The following TTF2 variants were observed in gnomAD, a reference collection of about 807,000 sequenced individuals.
The protein encoded by TTF2 is RNA polymerase II termination factor.
In TTF2, 108 loss-of-function variants were observed where a neutral mutation model predicts 142.4. The ratio of observed to expected loss-of-function variants is 0.76; its 90% confidence interval spans 0.65 to 0.89. TTF2 has a LOEUF of 0.89. Ranked by LOEUF, TTF2 falls within the 40% of genes least tolerant of loss-of-function variation. TTF2 has a pLI of 0.00. For missense variants in TTF2, 1,327 were observed against 1,379.8 expected, an observed-to-expected ratio of 0.96 and a Z score of 0.61; for synonymous variants, 483 against 506.2, an observed-to-expected ratio of 0.95 and a Z score of 0.61.
In TTF2 at chr1:117,090,047, C is replaced by CAAA. The variant is rs780181384; in HGVS notation, c.2343-4_2343-2dup. 2 of 1,611,476 alleles carry CAAA rather than the reference C, an allele frequency of 1.2e-6. No homozygotes were observed. Among genetic ancestry groups the CAAA allele is most frequent in the African/African-American group, 2.7e-5 (2 of 74,938 alleles). On this transcript the variant is annotated splice_region_variant and splice_polypyrimidine_tract_variant and intron_variant, in intron 13 of 22. Transcript: ENST00000369466. This position sits in a 1 kb window ranked among gnomAD's most constrained non-coding sequence, Gnocchi z 4.8. ...CCTACTCTGTGCCCTTCTTCCTCAA[C>CAAA]AAAAAAGGTTTCTCCGTTGCTCTCC...
At position 117,088,886 on chromosome 1, in the gene TTF2, C is replaced by T. The variant is rs1648282770; in HGVS notation, c.2246C>T (p.Thr749Ile). 1 of 1,614,096 alleles carries T rather than the reference C, an allele frequency of 6.2e-7. No individual in the cohort carries two copies. Residue 749 changes from threonine (T) to isoleucine (I), a missense_variant, in exon 13 of 23, where the codon ACT becomes ATT. By Grantham distance (89) the Thr-to-Ile change is moderately conservative. Transcript: ENST00000369466. ...AHNVKNPRVQ[T>I]SIAVCKLQAC... is the part of the protein sequence containing the mutation. ...AATGTTAAGAATCCCCGAGTGCAGA[C>T]TTCCATAGCTGTGTGTAAGCTACAA...
intron 10 of TTF2, among the ~76,000 whole-genome samples, chr1:117,083,045 A>G (rs1647669443): frequency 6.6e-6 from 1 of 152,022 alleles, no homozygotes; most frequent in Non-Finnish European, 1.5e-5. Flanking sequence ...GACCGAGACC[A>G]TCCTGACTAA....
chr1:117,096,972 G>A (rs1350853492), intron 20 of TTF2, among the ~76,000 whole-genome samples: 1 of 152,184 alleles, frequency 6.6e-6, no homozygotes, highest in Non-Finnish European at 1.5e-5. Context: ...GAAAGCATTA[G>A]TAGAATGATA....
At position 117,098,670 on chromosome 1, in the gene TTF2, TG is replaced by T. The variant is rs377390281; in HGVS notation, c.3270-162del. ...ATAGTTCTCTGTCACATGATGTGTG[TG>T]TTTTGTTTTGCTTTGCTTTCTTTTC... On this transcript the variant is annotated intron_variant, in intron 21 of 22. Coordinates refer to ENST00000369466, the MANE Select transcript of TTF2 (RefSeq NM_003594.4). 169 of 577,926 alleles carry T rather than the reference TG, an allele frequency of 2.9e-4. 1 individual carries two copies. In the South Asian group the frequency reaches 3.9e-3, roughly 13 times the overall value. 35.8% of individuals were successfully genotyped at this position (577,926 alleles called of 1,614,324 possible). A position where few individuals can be genotyped will look rare whatever the true frequency, so the allele number is the denominator to read the frequency against.
rs925550053 is a variant in TTF2 at position 117,062,374 on chromosome 1, TTC to T, written c.132-11_132-10del. The T allele has an allele frequency of 5.0e-6, 8 of 1,610,014 alleles. No individual in the cohort carries two copies. The highest frequency in any genetic ancestry group is 6.8e-6 in the Non-Finnish European group (8 of 1,178,770). On this transcript the variant is annotated splice_polypyrimidine_tract_variant and intron_variant, in intron 2 of 22. Transcript: ENST00000369466. ...TGACCTAAAAATGTTTTCAACTTTT[TTC>T]TTTTCTCTAGCATTCCTGTTTCCCA...
chr1:117,086,896 A>G lies in TTF2; in HGVS notation c.2160+374A>G, dbSNP rs1381517812. Among the ~76,000 whole-genome samples the G allele has an allele frequency of 1.3e-5, 2 of 152,114 alleles. No homozygotes were observed. Among genetic ancestry groups the G allele is most frequent in the East Asian group, 1.9e-4 (1 of 5,168 alleles). On this transcript the variant is annotated intron_variant, in intron 12 of 22. Transcript: ENST00000369466. This position sits in a 1 kb window ranked among gnomAD's most constrained non-coding sequence, Gnocchi z 4.2. Reference sequence around the variant, plus strand: ...TTATTGTGCAGACTAGTATTTTACTACTAGTATTTTGATTTTAAGCCATCT... The same window carrying G: ...TTATTGTGCAGACTAGTATTTTACTGCTAGTATTTTGATTTTAAGCCATCT...
chr1:117,082,970 T>C (rs541402975), intron 10 of TTF2, among the ~76,000 whole-genome samples: 233 of 152,264 alleles, frequency 1.5e-3, no homozygotes, highest in African/African-American at 5.4e-3. Flanking sequence ...GGGCCGGGCA[T>C]GGTGGCTCAC....
chr1:117,067,161 A>T (rs1224108345), intron 3 of TTF2, among the ~76,000 whole-genome samples: 2 of 152,254 alleles, frequency 1.3e-5, no homozygotes, highest in Non-Finnish European at 2.9e-5. Flanking sequence ...AATAGAACAA[A>T]AAAGTATGTT....
chr1:117,083,845 T>C (rs1647763638), intron 10 of TTF2, among the ~76,000 whole-genome samples, 173 bp from the exon 11 acceptor site: 1 of 152,170 alleles, frequency 6.6e-6, no homozygotes. Flanking sequence ...TCAAACACGA[T>C]GACTCACACC....
rs867060151 is a variant in TTF2, at chr1:117,079,613, T to G, written c.1747T>G (p.Trp583Gly). 6.2e-7 allele frequency: 1 copy of G among 1,614,092 alleles called. No homozygotes were observed. The highest frequency in any genetic ancestry group is 1.3e-5 in the African/African-American group (1 of 74,940). The change falls in exon 9 of 23, where the codon TGG becomes GGG. Residue 583 changes from tryptophan to glycine, a missense_variant. Coordinates refer to ENST00000369466, the MANE Select transcript of TTF2 (RefSeq NM_003594.4). This position sits in a 1 kb window ranked among gnomAD's most constrained non-coding sequence, Gnocchi z 4.2. ...GAAGCAGGCATTGGCTTGGTTACTA[T>G]GGCGAGAAAGTCAGAAGCCACAAGG... is the stretch of plus-strand genomic sequence containing the variant. ...HQKQALAWLL[W>G]RESQKPQGGI...
intron 2 of TTF2, 43 bp downstream of exon 2, chr1:117,060,600 C>A: frequency 6.5e-7 from 1 of 1,544,672 alleles, no homozygotes; most frequent in Non-Finnish European, 8.7e-7. Flanking sequence ...CTGCCCGGGG[C>A]CTCCCGAGAG....
At position 117,078,029 on chromosome 1, in the gene TTF2, C is replaced by T; in HGVS notation, c.1687C>T (p.Pro563Ser). Residue 563 changes from proline (P) to serine (S), a missense_variant, in exon 8 of 23, where the codon CCC becomes TCC. Physicochemically the swap from Pro to Ser is moderately conservative, Grantham distance 74 (BLOSUM62 -1). Coordinates refer to ENST00000369466, the MANE Select transcript of TTF2 (RefSeq NM_003594.4). ...TGGTGAGACGGTTGTGGCAGAAGATCCCGCCGGGCTGAAGGTGAGCCAGGG... is the reference window on the plus strand; with the variant it reads ...TGGTGAGACGGTTGTGGCAGAAGATTCCGCCGGGCTGAAGGTGAGCCAGGG... Reference protein sequence around the residue: ...CPGETVVAEDPAGLKVPLLLH... With the variant: ...CPGETVVAEDSAGLKVPLLLH... The T allele has an allele frequency of 2.5e-6, 4 of 1,613,904 alleles. No individual in the cohort carries two copies. The highest frequency in any genetic ancestry group is 1.3e-5 in the African/African-American group (1 of 75,020).
At chr1:117,065,786 A>ATC (rs1656050206) in intron 3 of TTF2, among the ~76,000 whole-genome samples, 1 of 112,770 alleles carries the variant, frequency 8.9e-6, no homozygotes, top group Admixed American at 9.5e-5. Context: ...ATGAAGTTAT[A>ATC]TTCTACTGAT....
Position 117,098,921 on chromosome 1 carries a change from C to A in TTF2, c.3344+14C>A. On this transcript the variant is annotated intron_variant, in intron 22 of 22. Coordinates refer to ENST00000369466, the MANE Select transcript of TTF2 (RefSeq NM_003594.4). ...TGTCATACACAGGTAAGTAATGGTC[C>A]CCAGGACCCAGGACCCTTCTCAACT... 1 of 1,598,388 alleles carries A rather than the reference C, an allele frequency of 6.3e-7. No homozygotes were observed. The highest frequency in any genetic ancestry group is 1.1e-5 in the South Asian group (1 of 89,156).
Position 117,104,001 on chromosome 1 carries a change from A to G in TTF2, c.*2477A>G, listed in dbSNP as rs976132318. ...AGAGAAAAAAATCCTTACTTTCTCTACACTCTGATTTCCTCATTTGTAAGG... is the reference window on the plus strand; with the variant it reads ...AGAGAAAAAAATCCTTACTTTCTCTGCACTCTGATTTCCTCATTTGTAAGG... On this transcript the variant is annotated 3_prime_UTR_variant, in exon 23 of 23. Coordinates refer to ENST00000369466, the MANE Select transcript of TTF2 (RefSeq NM_003594.4). 1.3e-5 allele frequency: 2 copies of G among 151,966 alleles called. No homozygotes were observed. The highest frequency in any genetic ancestry group is 4.8e-5 in the African/African-American group (2 of 41,376). The allele number at this position is 151,966 out of a possible 1,614,324, so 9.4% of individuals were successfully genotyped here.
At chr1:117,064,462 T>C (rs553230238) in intron 3 of TTF2, among the ~76,000 whole-genome samples, 1 of 152,160 alleles carries the variant, frequency 6.6e-6, no homozygotes, top group Non-Finnish European at 1.5e-5. Context: ...CCTACCCCAA[T>C]ATCACAAATA....
intron 3 of TTF2, among the ~76,000 whole-genome samples, chr1:117,065,073 A>T (rs1459943387): frequency 2.0e-5 from 3 of 152,164 alleles, no homozygotes; most frequent in Non-Finnish European, 4.4e-5. Context: ...TGTTCCATTG[A>T]TCCATTTGCC....
At position 117,063,173 on chromosome 1, in the gene TTF2, C is replaced by T. The variant is rs1267700825; in HGVS notation, c.218+700C>T. On this transcript the variant is annotated intron_variant, in intron 3 of 22. Transcript: ENST00000369466. The surrounding 1 kb of genome is among the most constrained non-coding windows in gnomAD (Gnocchi z 4.1). The stretch of plus-strand genomic sequence containing the variant: ...CATAATTTATATATTCTAGATCCCC[C>T]CACCCAATTAAAGGCATTTGAGTAC... Among the ~76,000 whole-genome samples, 2 of 152,054 alleles carry T rather than the reference C, an allele frequency of 1.3e-5. No individual in the cohort carries two copies. Among genetic ancestry groups the T allele is most frequent in the Non-Finnish European group, 2.9e-5 (2 of 68,008 alleles).
intron 7 of TTF2, among the ~76,000 whole-genome samples, 161 bp from the exon 8 acceptor site, chr1:117,077,755 T>A (rs1657132300): frequency 6.6e-6 from 1 of 152,158 alleles, no homozygotes; most frequent in Non-Finnish European, 1.5e-5. Context: ...AAAAGCCACT[T>A]GTTTCCCAAC....
Sources: gnomAD v4.1 joint callset for allele counts (sites outside exome capture counted in the v4.1 genomes callset) on GRCh38, gnomAD v4.1.1 for gene constraint, Gnocchi (gnomAD v3.1) non-coding constraint, MANE v1.5 for transcripts, NCBI Gene and HGNC (gene_info 2026-07-23, HGNC 2026-07-21) for gene names.